The following RRM2 variants were observed in gnomAD, a reference collection of about 807,000 sequenced individuals.
The protein encoded by RRM2 is ribonucleotide reductase regulatory subunit M2.
A neutral mutation model predicts 45.9 loss-of-function variants in RRM2; 6 were observed. That is an observed-to-expected ratio of 0.13 (90% CI 0.07 to 0.26). RRM2 has a LOEUF of 0.26. RRM2 is among the 10% of genes least tolerant of loss of function. The pLI is 1.00. For synonymous variants in RRM2, 177 were observed against 173.0 expected (o/e 1.02, Z -0.18); for missense variants, 343 against 489.5 (o/e 0.70, Z 2.82).
chr2:10,199,514 G>C (rs1421496329), intron 3 of RRM2, among the ~76,000 whole-genome samples: 1 of 151,904 alleles, frequency 6.6e-6, no homozygotes, highest in South Asian at 2.1e-4. Flanking sequence ...AGGTGTGGTG[G>C]CTCACACCTG....
chr2:10,184,161 C>G (rs886465067), intron 3 of RRM2, among the ~76,000 whole-genome samples: 5 of 148,614 alleles, frequency 3.4e-5, no homozygotes, highest in African/African-American at 1.2e-4. Context: ...CCCGGCTCCA[C>G]TGCCTTTTCT....
chr2:10,129,124 C>G lies in RRM2; in HGVS notation c.987C>G (p.Asp329Glu). The change falls in exon 9 of 10, where the codon GAC becomes GAG. Residue 329 changes from aspartate (D) to glutamate (E), a missense_variant. Asp to Glu is a conservative substitution (Grantham distance 45). Around this residue, in one of 2 missense-constraint regions of RRM2, gnomAD observed 212 missense variants for 368.1 expected, o/e 0.58. Transcript: ENST00000304567. The surrounding 1 kb of genome is among the most constrained non-coding windows in gnomAD (Gnocchi z 4.8). ...AGCAATACATTGAGTTTGTGGCAGACAGACTTATGCTGGAACTGGGTTTTA... is the reference window on the plus strand; with the variant it reads ...AGCAATACATTGAGTTTGTGGCAGAGAGACTTATGCTGGAACTGGGTTTTA... ...LMKQYIEFVA[D>E]RLMLELGFSK... 17 of 1,614,162 alleles carry G rather than the reference C, an allele frequency of 1.1e-5. No homozygotes were observed. The highest frequency in any genetic ancestry group is 1.4e-5 in the Non-Finnish European group (17 of 1,179,990).
intron 3 of RRM2, among the ~76,000 whole-genome samples, chr2:10,191,792 C>T (rs1664312487): frequency 6.6e-6 from 1 of 152,182 alleles, no homozygotes; most frequent in African/African-American, 2.4e-5. Flanking sequence ...CCCGCTATCT[C>T]AGACCTGGCG....
intron 3 of RRM2, among the ~76,000 whole-genome samples, chr2:10,156,960 T>G (rs1484873775): frequency 6.6e-6 from 1 of 151,362 alleles, no homozygotes; most frequent in Non-Finnish European, 1.5e-5. Flanking sequence ...ACGTTTCAGA[T>G]GCTGGAATCA....
At chr2:10,151,229 A>T (rs1351840672) in intron 3 of RRM2, among the ~76,000 whole-genome samples, 1 of 151,510 alleles carries the variant, frequency 6.6e-6, no homozygotes, top group Non-Finnish European at 1.5e-5. Flanking sequence ...TCACCTGGTG[A>T]TGGACATTGG....
At chr2:10,174,473 C>T (rs548218053) in intron 3 of RRM2, among the ~76,000 whole-genome samples, 5 of 151,728 alleles carry the variant, frequency 3.3e-5, no homozygotes, top group South Asian at 2.1e-4. Flanking sequence ...GGCCCACAAG[C>T]GAGCGCCTAT....
At chr2:10,140,379 G>A (rs1649336691), upstream of RRM2, among the ~76,000 whole-genome samples, 1 of 152,226 alleles carries the variant, frequency 6.6e-6, no homozygotes, top group African/African-American at 2.4e-5. Context: ...ATGGTCTGTG[G>A]CTGCCTTCAC....
At chr2:10,138,650 G>A (rs1006823972), upstream of RRM2, among the ~76,000 whole-genome samples, 2 of 152,162 alleles carry the variant, frequency 1.3e-5, no homozygotes, top group African/African-American at 4.8e-5. Flanking sequence ...AGTTCTCACT[G>A]CTTATGAAAC....
At chr2:10,163,523 C>A (rs1381090587) in intron 3 of RRM2, among the ~76,000 whole-genome samples, 1 of 152,190 alleles carries the variant, frequency 6.6e-6, no homozygotes, top group African/African-American at 2.4e-5. Context: ...AGTCACATGG[C>A]CCTCTCGGCC....
At chr2:10,138,040 C>T (rs1435233091), upstream of RRM2, among the ~76,000 whole-genome samples, 1 of 152,096 alleles carries the variant, frequency 6.6e-6, no homozygotes, top group Non-Finnish European at 1.5e-5. Flanking sequence ...TTGCTGCGAC[C>T]CCCAGGCTGG....
chr2:10,188,917 T>C (rs1287490803), intron 3 of RRM2, among the ~76,000 whole-genome samples: 1 of 152,240 alleles, frequency 6.6e-6, no homozygotes, highest in African/African-American at 2.4e-5. Flanking sequence ...ATTTGGAGGC[T>C]GGATCATTGG....
At chr2:10,156,236 T>C (rs1278495685) in intron 3 of RRM2, 1 of 152,238 alleles carries the variant, frequency 6.6e-6, no homozygotes, top group Non-Finnish European at 1.5e-5. Context: ...GCTGATGAGC[T>C]AAAAACAATT....
chr2:10,176,557 C>T (rs963822100), intron 3 of RRM2, among the ~76,000 whole-genome samples: 2 of 152,142 alleles, frequency 1.3e-5, no homozygotes, highest in South Asian at 4.1e-4. Context: ...CGTGAGCCAT[C>T]GTCTACTTCT....
exon 4 of RRM2, chr2:10,210,713 A>G: frequency 1.1e-6 from 1 of 944,104 alleles, no homozygotes; most frequent in South Asian, 1.5e-5. Flanking sequence ...ATGTGAGCCC[A>G]CAGGGTGGAG....
chr2:10,176,070 T>G (rs1175105723), intron 3 of RRM2, among the ~76,000 whole-genome samples: 1 of 152,204 alleles, frequency 6.6e-6, no homozygotes, highest in Non-Finnish European at 1.5e-5. Flanking sequence ...GAATAATATT[T>G]CATTATGGAT....
chr2:10,184,633 C>T (rs572107860), intron 3 of RRM2, among the ~76,000 whole-genome samples: 314 of 152,350 alleles, frequency 2.1e-3, no homozygotes, highest in African/African-American at 6.9e-3. Flanking sequence ...AGCTGCCTCC[C>T]GGCCCCTTGT....
upstream of RRM2, among the ~76,000 whole-genome samples, chr2:10,137,458 T>G (rs1663009819): frequency 6.6e-6 from 1 of 151,990 alleles, no homozygotes; most frequent in Non-Finnish European, 1.5e-5. Context: ...GAGGGTGACC[T>G]CTGCTTTGCC....
Position 10,122,883 on chromosome 2 carries a change from G to T in RRM2, c.85G>T (p.Asp29Tyr). The T allele has an allele frequency of 6.3e-7, 1 of 1,594,940 alleles. No individual in the cohort carries two copies. ...LSPLKGLSLV[D>Y]KENTPPALSG... ...GCCGCTGAAGGGGCTCAGCTTGGTCGACAAGGAGAACACGGTGAGCCCGCG... is the reference window on the plus strand; with the variant it reads ...GCCGCTGAAGGGGCTCAGCTTGGTCTACAAGGAGAACACGGTGAGCCCGCG... Residue 29 changes from aspartate (D) to tyrosine (Y), a missense_variant, in exon 1 of 10, where the codon GAC becomes TAC. Transcript: ENST00000304567.
chr2:10,123,938 C>T, intron 4 of RRM2, 86 bp downstream of exon 4: 1 of 779,614 alleles, frequency 1.3e-6, no homozygotes, highest in Non-Finnish European at 2.3e-6. Context: ...TATGTTTTTC[C>T]ATGCTGAGTG....
Sources: allele counts gnomAD v4.1 joint callset (sites outside exome capture counted in the v4.1 genomes callset), GRCh38; gene constraint gnomAD v4.1.1; regional missense constraint gnomAD v4.1.1; non-coding constraint Gnocchi (gnomAD v3.1); transcripts MANE v1.5; gene names NCBI Gene and HGNC (gene_info 2026-07-23, HGNC 2026-07-21).